Variants in CASP4 observed in about 807,000 individuals in gnomAD.
CASP4 encodes caspase-4.
Under a neutral mutation model 41.3 loss-of-function variants are expected in CASP4, and 29 were observed. That is an observed-to-expected ratio of 0.70 (90% CI 0.52 to 0.96). CASP4 has a LOEUF of 0.96. Ranked by LOEUF, CASP4 falls within the 40% of genes least tolerant of loss-of-function variation. The probability of loss-of-function intolerance (pLI) is 0.00; values close to 1 mark genes in which losing one functional copy is unlikely to be tolerated. For missense variants in CASP4, 447 were observed against 460.6 expected (o/e 0.97, Z 0.27); for synonymous variants, 185 against 158.4 (o/e 1.17, Z -1.26).
At chr11:104,960,205 A>G (rs911494653) in intron 1 of CASP4, among the ~76,000 whole-genome samples, 2 of 152,092 alleles carry the variant, frequency 1.3e-5, no homozygotes, top group African/African-American at 2.4e-5. Context: ...TTCAAGTCTC[A>G]GATTAGATGG....
chr11:104,942,993 CAGA>C lies in CASP4; in HGVS notation c.*6-23_*6-21del, dbSNP rs1284172744. On this transcript the variant is annotated intron_variant, in intron 8 of 8. Transcript: ENST00000444739. Reference sequence around the variant, plus strand: ...GGCTTCCTGCAGGGGAGAGAAAAAACAGAAGGTCAAGATGGTTACCCCTTGCTG... The same window carrying C: ...GGCTTCCTGCAGGGGAGAGAAAAAACAGGTCAAGATGGTTACCCCTTGCTG... 2 of 454,424 alleles carry C rather than the reference CAGA, an allele frequency of 4.4e-6. No individual in the cohort carries two copies. Among genetic ancestry groups the C allele is most frequent in the Admixed American group, 4.7e-5 (2 of 42,508 alleles). The allele number at this position is 454,424 out of a possible 1,614,324, so 28.1% of individuals were successfully genotyped here. A position where few individuals can be genotyped will look rare whatever the true frequency, so the allele number is the denominator to read the frequency against.
chr11:104,945,563 C>T (rs1414629675), intron 7 of CASP4, among the ~76,000 whole-genome samples: 1 of 152,028 alleles, frequency 6.6e-6, no homozygotes, highest in Non-Finnish European at 1.5e-5. Context: ...GCCCCAGTAT[C>T]TTATCTTTAA....
At chr11:104,968,493 A>C in intron 1 of CASP4, 26 bp downstream of exon 1, 1 of 1,607,932 alleles carries the variant, frequency 6.2e-7, no homozygotes, top group South Asian at 1.1e-5. Context: ...TCCTACTCCC[A>C]AACTCCTAGT....
intron 1 of CASP4, among the ~76,000 whole-genome samples, chr11:104,965,625 G>C (rs1029864345): frequency 1.3e-5 from 2 of 152,192 alleles, no homozygotes; most frequent in African/African-American, 4.8e-5. Context: ...ACTTTGGGAA[G>C]GAATTCAGTT....
chr11:104,958,191 CAG>C (rs1178663733), intron 1 of CASP4, among the ~76,000 whole-genome samples: 3 of 152,008 alleles, frequency 2.0e-5, no homozygotes, highest in Non-Finnish European at 2.9e-5. Flanking sequence ...TAGAAGAAAA[CAG>C]AGGGGAACAG....
intron 1 of CASP4, among the ~76,000 whole-genome samples, chr11:104,967,586 A>G (rs899652312): frequency 1.3e-5 from 2 of 152,226 alleles, no homozygotes; most frequent in African/African-American, 4.8e-5. Context: ...TAACTGGTCA[A>G]CTTTCCTAAT....
At chr11:104,968,380 A>C (rs1168982671) in intron 1 of CASP4, 139 bp downstream of exon 1, 5 of 775,106 alleles carry the variant, frequency 6.5e-6, no homozygotes, top group Non-Finnish European at 1.1e-5. Context: ...CCCATGATTC[A>C]AACTACACAC....
rs112649653 is a variant in CASP4, at chr11:104,951,036, C to G, written c.435G>C (p.Glu145Asp). Residue 145 changes from glutamate to aspartate, a missense_variant, in exon 4 of 9, where the codon GAG becomes GAC. Transcript: ENST00000444739. ...TRLALIICNT[E>D]FDHLPPRNGA... is the part of the protein sequence containing the mutation. The stretch of plus-strand genomic sequence containing the variant: ...CATTCCTCGGAGGCAGATGGTCAAA[C>G]TCTGTATTGCATATGATGAGAGCCA... 1 of 1,613,502 alleles carries G rather than the reference C, an allele frequency of 6.2e-7. No homozygotes were observed. The highest frequency in any genetic ancestry group is 1.1e-5 in the South Asian group (1 of 91,068).
intron 1 of CASP4, among the ~76,000 whole-genome samples, chr11:104,966,651 C>T (rs958942969): frequency 6.6e-6 from 1 of 152,012 alleles, no homozygotes; most frequent in African/African-American, 2.4e-5. Context: ...TTGAGGGTGT[C>T]TCGTGTAACC....
At chr11:104,961,998 G>T (rs1860871433) in intron 1 of CASP4, among the ~76,000 whole-genome samples, 1 of 152,196 alleles carries the variant, frequency 6.6e-6, no homozygotes, top group Non-Finnish European at 1.5e-5. Flanking sequence ...ACAGAAAAAA[G>T]TCTGAGCTTT....
At chr11:104,965,133 G>A (rs998591059) in intron 1 of CASP4, among the ~76,000 whole-genome samples, 19 of 152,080 alleles carry the variant, frequency 1.2e-4, no homozygotes, top group African/African-American at 4.6e-4. Flanking sequence ...AATTCTTTGT[G>A]GATTAGAAGT....
intron 1 of CASP4, among the ~76,000 whole-genome samples, chr11:104,965,030 C>A (rs1308263642): frequency 1.3e-5 from 2 of 152,162 alleles, no homozygotes; most frequent in African/African-American, 4.8e-5. Context: ...AAAATAGGGT[C>A]TGGAGAGAAA....
chr11:104,954,325 C>T (rs1860683841), intron 2 of CASP4, among the ~76,000 whole-genome samples: 1 of 151,944 alleles, frequency 6.6e-6, no homozygotes, highest in Non-Finnish European at 1.5e-5. Flanking sequence ...GCGTGTGGTG[C>T]CTGTCATTAT....
At chr11:104,952,053 C>A (rs1204442084) in intron 2 of CASP4, 48 bp from the exon 3 acceptor site, 2 of 1,100,464 alleles carry the variant, frequency 1.8e-6, no homozygotes, top group Non-Finnish European at 2.8e-6. Flanking sequence ...CTCTGTGACC[C>A]AATTTATCAC....
intron 6 of CASP4, 42 bp from the exon 7 acceptor site, chr11:104,947,234 A>C: frequency 8.5e-7 from 1 of 1,183,074 alleles, no homozygotes; most frequent in East Asian, 2.5e-5. Flanking sequence ...TATGACTTTC[A>C]CTATGTTTTT....
intron 5 of CASP4, 39 bp downstream of exon 5, chr11:104,949,503 AC>A (rs1226019234): frequency 6.3e-7 from 1 of 1,595,008 alleles, no homozygotes; most frequent in East Asian, 2.2e-5. Context: ...TCCTCTGCAT[AC>A]ACCTTCATAA....
At chr11:104,966,670 G>A (rs1860982864) in intron 1 of CASP4, among the ~76,000 whole-genome samples, 1 of 152,114 alleles carries the variant, frequency 6.6e-6, no homozygotes, top group Middle Eastern at 3.2e-3. Context: ...CCAGAAAACT[G>A]GGAGAGCTGG....
At chr11:104,961,004 T>C (rs1391294086) in intron 1 of CASP4, among the ~76,000 whole-genome samples, 2 of 152,228 alleles carry the variant, frequency 1.3e-5, no homozygotes, top group Admixed American at 6.5e-5. Flanking sequence ...TTAAGGAATA[T>C]GAAACCACCT....
intron 2 of CASP4, among the ~76,000 whole-genome samples, chr11:104,954,120 G>A (rs564436): frequency 1.3e-5 from 2 of 151,902 alleles, no homozygotes; most frequent in African/African-American, 2.4e-5. Context: ...ATGTTGTTTC[G>A]GTCTACTGAG....
Sources: allele counts gnomAD v4.1 joint callset (sites outside exome capture counted in the v4.1 genomes callset), GRCh38; gene constraint gnomAD v4.1.1; transcripts MANE v1.5; gene names NCBI Gene and HGNC (gene_info 2026-07-23, HGNC 2026-07-21).